EIF2B2: variants seen among roughly 807,000 people sequenced by gnomAD.
The protein encoded by EIF2B2 is eukaryotic translation initiation factor 2B subunit beta.
EIF2B2 carries 34 observed loss-of-function variants against 34.7 expected under a neutral mutation model. The ratio of observed to expected loss-of-function variants is 0.98; its 90% confidence interval spans 0.75 to 1.31. The LOEUF (loss-of-function observed/expected upper bound fraction) is 1.31. Ranked by LOEUF, EIF2B2 falls within the 50% of genes most tolerant of loss-of-function variation. EIF2B2 has a pLI of 0.00. For synonymous variants in EIF2B2, 155 were observed against 171.6 expected, an observed-to-expected ratio of 0.90 and a Z score of 0.76; for missense variants, 361 against 447.7, an observed-to-expected ratio of 0.81 and a Z score of 1.75.
rs768335115 is a variant in EIF2B2, at chr14:75,003,145, G to A, written c.155G>A (p.Ser52Asn). ...LRQIITDHRW[S>N]NAGELMELIR... Reference sequence around the variant, plus strand: ...CAGATCATCACGGACCACCGCTGGAGCAACGCGGGTGAGGCCGGCCTGCCT... The same window carrying A: ...CAGATCATCACGGACCACCGCTGGAACAACGCGGGTGAGGCCGGCCTGCCT... Residue 52 changes from serine (S) to asparagine (N), a missense_variant, in exon 1 of 8, where the codon AGC becomes AAC. Physicochemically the swap from Ser to Asn is conservative, Grantham distance 46 (BLOSUM62 1). Coordinates refer to ENST00000266126, the MANE Select transcript of EIF2B2 (RefSeq NM_014239.4). The A allele has an allele frequency of 6.2e-6, 10 of 1,613,314 alleles. No homozygotes were observed. The African/African-American group carries it at 1.1e-4, about 17-fold the overall frequency.
rs762068601 is a variant in EIF2B2, at chr14:75,003,547, A to G, written c.285-4A>G. The G allele has an allele frequency of 2.3e-5, 37 of 1,613,958 alleles. No homozygotes were observed. Among genetic ancestry groups the G allele is most frequent in the Non-Finnish European group, 3.1e-5 (36 of 1,180,028 alleles). The stretch of plus-strand genomic sequence containing the variant: ...TCTCTCTTTGGGTCTTGTTGCCTCT[A>G]TAGACTCCATGGACGCAGCGACGAG... On this transcript the variant is annotated splice_region_variant and splice_polypyrimidine_tract_variant and intron_variant, in intron 2 of 7. Transcript: ENST00000266126.
intron 3 of EIF2B2, among the ~76,000 whole-genome samples, 191 bp from the exon 4 acceptor site, chr14:75,004,546 G>A (rs1889589819): frequency 1.3e-5 from 2 of 151,340 alleles, no homozygotes; most frequent in East Asian, 1.9e-4. Flanking sequence ...AAGAAATTGT[G>A]ACATTTCACT....
rs772125418 is a variant in EIF2B2 at position 75,009,074 on chromosome 14, C to T, written c.942C>T (p.Asp314=). The change falls in exon 8 of 8, where the codon GAC becomes GAT. Residue 314 remains aspartate (D), a synonymous_variant. Coordinates refer to ENST00000266126, the MANE Select transcript of EIF2B2 (RefSeq NM_014239.4). The part of the protein sequence containing the change: ...EKVSVHCPVF[D]YVPPELITLF... ...TCAGCGTGCATTGCCCTGTGTTTGA[C>T]TACGTTCCCCCAGAGCTCATTACCC... The T allele has an allele frequency of 3.1e-6, 5 of 1,614,122 alleles. No homozygotes were observed. Among genetic ancestry groups the T allele is most frequent in the South Asian group, 2.2e-5 (2 of 91,086 alleles).
At position 75,012,085 on chromosome 14, in the gene EIF2B2, AT is replaced by A. The variant is rs1174343652; in HGVS notation, c.*2900del. On this transcript the variant is annotated 3_prime_UTR_variant, in exon 8 of 8. Coordinates refer to ENST00000266126, the MANE Select transcript of EIF2B2 (RefSeq NM_014239.4). ...AAACCCTATTAAGGCTCATCTTCTT[AT>A]TTCCCCTCTCTCCGTTTCCCTATTT... 1 of 152,084 alleles carries A rather than the reference AT, an allele frequency of 6.6e-6. No individual in the cohort carries two copies. Among genetic ancestry groups the A allele is most frequent in the East Asian group, 1.9e-4 (1 of 5,182 alleles). 9.4% of individuals were successfully genotyped at this position (152,084 alleles called of 1,614,324 possible). A position where few individuals can be genotyped will look rare whatever the true frequency, so the allele number is the denominator to read the frequency against.
chr14:75,006,984 CCT>C lies in EIF2B2; in HGVS notation c.831+271_831+272del, dbSNP rs1889636075. ...CCTTTGCTTACGATTGCCACCACTC[CCT>C]GTCGCCTGACCATTTCTGAAAATGC... On this transcript the variant is annotated intron_variant, in intron 6 of 7. Transcript: ENST00000266126. The surrounding 1 kb of genome is among the most constrained non-coding windows in gnomAD (Gnocchi z 4.1). 1.7e-6 allele frequency: 1 copy of C among 592,162 alleles called. No individual in the cohort carries two copies. The highest frequency in any genetic ancestry group is 1.8e-5 in the African/African-American group (1 of 54,650). The allele number at this position is 592,162 out of a possible 1,614,324, so 36.7% of individuals were successfully genotyped here. A position where few individuals can be genotyped will look rare whatever the true frequency, so the allele number is the denominator to read the frequency against.
chr14:75,011,251 T>A lies in EIF2B2; in HGVS notation c.*2063T>A, dbSNP rs1017934417. ...ATAGGGAAACAGTATAGAAGTATAA[T>A]ACCAAGCACAGCAAGCAGAGGGACA... On this transcript the variant is annotated 3_prime_UTR_variant, in exon 8 of 8. Transcript: ENST00000266126. 6.6e-6 allele frequency: 1 copy of A among 152,156 alleles called. No homozygotes were observed. The highest frequency in any genetic ancestry group is 2.4e-5 in the African/African-American group (1 of 41,430). 9.4% of individuals were successfully genotyped at this position (152,156 alleles called of 1,614,324 possible). A position where few individuals can be genotyped will look rare whatever the true frequency, so the allele number is the denominator to read the frequency against.
At chr14:75,007,142 A>C (rs1385920908) in intron 6 of EIF2B2, 7 of 458,362 alleles carry the variant, frequency 1.5e-5, no homozygotes, top group Admixed American at 2.4e-5. Context: ...TTGCTTTGAA[A>C]ACATCAACCT....
intron 3 of EIF2B2, 48 bp from the exon 4 acceptor site, chr14:75,004,689 A>AGGTTTTTT: frequency 6.8e-6 from 1 of 146,204 alleles, no homozygotes; most frequent in South Asian, 1.5e-4. Flanking sequence ...ATATATATAT[A>AGGTTTTTT]TTTTTTTTTT....
intron 7 of EIF2B2, chr14:75,008,080 A>G: frequency 2.8e-6 from 1 of 356,156 alleles, no homozygotes; most frequent in Non-Finnish European, 5.2e-6. Flanking sequence ...GCTGTTTGAG[A>G]TATAGACAAC....
Position 75,004,975 on chromosome 14 carries a change from A to C in EIF2B2, c.597+75A>C, listed in dbSNP as rs1032427451. ...AAATAAACGAGAGATGGGTAGGGCC[A>C]TTCCAACCTTGAATTGATAAGCAAG... On this transcript the variant is annotated intron_variant, in intron 4 of 7. Coordinates refer to ENST00000266126, the MANE Select transcript of EIF2B2 (RefSeq NM_014239.4). 6 of 1,495,532 alleles carry C rather than the reference A, an allele frequency of 4.0e-6. No homozygotes were observed. The African/African-American group carries it at 8.3e-5, about 21-fold the overall frequency. The allele number at this position is 1,495,532 out of a possible 1,614,324, so 92.6% of individuals were successfully genotyped here. A position where few individuals can be genotyped will look rare whatever the true frequency, so the allele number is the denominator to read the frequency against.
intron 4 of EIF2B2, among the ~76,000 whole-genome samples, chr14:75,005,379 A>G (rs959518119): frequency 4.0e-5 from 6 of 151,332 alleles, no homozygotes; most frequent in African/African-American, 1.4e-4. Flanking sequence ...TCTGTCTCAA[A>G]AAAAAAAAAA....
At position 75,006,000 on chromosome 14, in the gene EIF2B2, A is replaced by ATG. The variant is rs772058524; in HGVS notation, c.693+41_693+42dup. ...GAGTTATGTTGAATTCATGAAGATT[A>ATG]TGTTTCTAAAATATTGATTTTTATC... On this transcript the variant is annotated intron_variant, in intron 5 of 7. Transcript: ENST00000266126. The ATG allele has an allele frequency of 4.0e-6, 6 of 1,508,814 alleles. 1 individual carries two copies. In the South Asian group the frequency reaches 5.6e-5, roughly 14 times the overall value. 93.5% of individuals were successfully genotyped at this position (1,508,814 alleles called of 1,614,324 possible).
rs376852191 is a variant in EIF2B2, at chr14:75,006,298, T to C, written c.694-279T>C. On this transcript the variant is annotated intron_variant, in intron 5 of 7. Coordinates refer to ENST00000266126, the MANE Select transcript of EIF2B2 (RefSeq NM_014239.4). The surrounding 1 kb of genome is among the most constrained non-coding windows in gnomAD (Gnocchi z 4.1). ...AGTTGTGGATAGTGAATGAAAAAGA[T>C]TCCTGGCTTCTCAGAAGGTATGGCA... The C allele has an allele frequency of 5.4e-6, 3 of 555,366 alleles. No individual in the cohort carries two copies. The highest frequency in any genetic ancestry group is 3.8e-5 in the African/African-American group (2 of 53,006). 34.4% of individuals were successfully genotyped at this position (555,366 alleles called of 1,614,324 possible).
rs175044 is a variant in EIF2B2 at position 75,005,406 on chromosome 14, G to C, written c.598-460G>C. 5.9e-5 allele frequency among the ~76,000 whole-genome samples: 9 copies of C among 151,686 alleles called. No homozygotes were observed. In the East Asian group the frequency reaches 1.4e-3, roughly 23 times the overall value. ...AAAAAAAAAAAGATGGCGAGCTGCT[G>C]GGTTCAAGGAAAGATAACTTGATTC... On this transcript the variant is annotated intron_variant, in intron 4 of 7. Transcript: ENST00000266126.
chr14:75,007,893 T>C lies in EIF2B2; in HGVS notation c.898+105T>C, dbSNP rs1889650811. ...TGTTTTGTTGGTCAGTAGAACTGAA[T>C]GCTGTCAAGTTGTGTTTTTTATCAT... On this transcript the variant is annotated intron_variant, in intron 7 of 7. Coordinates refer to ENST00000266126, the MANE Select transcript of EIF2B2 (RefSeq NM_014239.4). 7 of 1,104,668 alleles carry C rather than the reference T, an allele frequency of 6.3e-6. No individual in the cohort carries two copies. The Admixed American group carries it at 7.4e-5, about 12-fold the overall frequency. The allele number at this position is 1,104,668 out of a possible 1,614,324, so 68.4% of individuals were successfully genotyped here. A position where few individuals can be genotyped will look rare whatever the true frequency, so the allele number is the denominator to read the frequency against.
Position 75,003,020 on chromosome 14 carries a change from G to A in EIF2B2, c.30G>A (p.Glu10=), listed in dbSNP as rs751443080. 6.2e-7 allele frequency: 1 copy of A among 1,614,178 alleles called. No homozygotes were observed. The highest frequency in any genetic ancestry group is 1.7e-5 in the Admixed American group (1 of 60,036). The change falls in exon 1 of 8, where the codon GAG becomes GAA. Residue 10 remains glutamate (E), a synonymous_variant. Coordinates refer to ENST00000266126, the MANE Select transcript of EIF2B2 (RefSeq NM_014239.4). ...CGGGATCCGCAGCGAAGGGCTCGGA[G>A]TTGTCAGAGAGGATCGAGAGCTTCG... MPGSAAKGS[E]LSERIESFVE...
chr14:75,006,447 C>G lies in EIF2B2; in HGVS notation c.694-130C>G. On this transcript the variant is annotated intron_variant, in intron 5 of 7. Transcript: ENST00000266126. The surrounding 1 kb of genome is among the most constrained non-coding windows in gnomAD (Gnocchi z 4.1). ...AGAACTTGTATTGAGCCAGGGATCCCTTCACCTCTACCAGTCTGTGACCCC... is the reference window on the plus strand; with the variant it reads ...AGAACTTGTATTGAGCCAGGGATCCGTTCACCTCTACCAGTCTGTGACCCC... 7.5e-7 allele frequency: 1 copy of G among 1,329,542 alleles called. No homozygotes were observed. Among genetic ancestry groups the G allele is most frequent in the Non-Finnish European group, 1.0e-6 (1 of 953,424 alleles). The allele number at this position is 1,329,542 out of a possible 1,614,324, so 82.4% of individuals were successfully genotyped here. A position where few individuals can be genotyped will look rare whatever the true frequency, so the allele number is the denominator to read the frequency against.
chr14:75,005,779 C>A, intron 4 of EIF2B2, 87 bp from the exon 5 acceptor site: 2 of 1,032,060 alleles, frequency 1.9e-6, no homozygotes, highest in Admixed American at 3.4e-5. Flanking sequence ...CCATATCACA[C>A]AATTCCCCAG....
chr14:75,004,716 T>C (rs753426356), intron 3 of EIF2B2, 21 bp from the exon 4 acceptor site: 2 of 1,072,636 alleles, frequency 1.9e-6, no homozygotes, highest in Non-Finnish European at 2.3e-6. Flanking sequence ...TTTTTTTTTT[T>C]TTGCAAAACC....
Sources: gnomAD v4.1 joint callset for allele counts (sites outside exome capture counted in the v4.1 genomes callset) on GRCh38, gnomAD v4.1.1 for gene constraint, Gnocchi (gnomAD v3.1) non-coding constraint, MANE v1.5 for transcripts, NCBI Gene and HGNC (gene_info 2026-07-23, HGNC 2026-07-21) for gene names.